ANKS1A: variants seen among roughly 807,000 people sequenced by gnomAD.
The protein encoded by ANKS1A is ankyrin repeat and SAM domain-containing protein 1A.
Under a neutral mutation model 120.3 loss-of-function variants are expected in ANKS1A, and 55 were observed. That is an observed-to-expected ratio of 0.46 (90% CI 0.37 to 0.57). ANKS1A has a LOEUF of 0.57. ANKS1A is among the 20% of genes least tolerant of loss of function. ANKS1A has a pLI of 0.00. For synonymous variants in ANKS1A, 590 were observed against 604.7 expected (o/e 0.98, Z 0.36); for missense variants, 1,123 against 1,480.3 (o/e 0.76, Z 3.96).
At chr6:34,971,611 G>A (rs996193093) in intron 3 of ANKS1A, among the ~76,000 whole-genome samples, 1 of 152,080 alleles carries the variant, frequency 6.6e-6, no homozygotes, top group African/African-American at 2.4e-5. Flanking sequence ...TTGCCGAGAG[G>A]GGATTGTTAA....
At position 34,889,406 on chromosome 6, in the gene ANKS1A, G is replaced by A; in HGVS notation, c.4G>A (p.Gly2Arg). 1.6e-6 allele frequency: 2 copies of A among 1,272,438 alleles called. No homozygotes were observed. The highest frequency in any genetic ancestry group is 2.0e-6 in the Non-Finnish European group (2 of 1,012,584). The allele number at this position is 1,272,438 out of a possible 1,614,324, so 78.8% of individuals were successfully genotyped here. A position where few individuals can be genotyped will look rare whatever the true frequency, so the allele number is the denominator to read the frequency against. Reference protein sequence around the residue: MGKEQELLEAAR... With the variant: MRKEQELLEAAR... The stretch of plus-strand genomic sequence containing the variant: ...CCAGCGGGTGGCGGCCCTGGGGATG[G>A]GGAAGGAGCAGGAGCTGCTGGAGGC... Residue 2 changes from glycine to arginine, a missense_variant, in exon 1 of 24, where the codon GGG becomes AGG. By Grantham distance (125) the Gly-to-Arg change is moderately radical. Transcript: ENST00000360359. The surrounding 1 kb of genome is among the most constrained non-coding windows in gnomAD (Gnocchi z 5.5).
At chr6:34,897,756 T>A (rs73421513) in intron 1 of ANKS1A, among the ~76,000 whole-genome samples, 12,199 of 152,304 alleles carry the variant, frequency 0.08, 682 homozygotes, top group East Asian at 0.33. Context: ...AATTTGTAGA[T>A]CAAGTTTGTT....
intron 10 of ANKS1A, among the ~76,000 whole-genome samples, chr6:35,008,089 A>T (rs1246310924): frequency 6.6e-6 from 1 of 152,238 alleles, no homozygotes; most frequent in Non-Finnish European, 1.5e-5. Context: ...ATCTTTACCA[A>T]GAAGTCCAGG....
chr6:35,068,145 C>T (rs1180982880), intron 13 of ANKS1A, among the ~76,000 whole-genome samples: 1 of 152,184 alleles, frequency 6.6e-6, no homozygotes, highest in African/African-American at 2.4e-5. Flanking sequence ...CCACTCGCCT[C>T]AGCCTCCCAA....
intron 10 of ANKS1A, among the ~76,000 whole-genome samples, chr6:35,016,371 A>G (rs1368393247): frequency 1.3e-5 from 2 of 152,224 alleles, no homozygotes; most frequent in Admixed American, 6.5e-5. Context: ...AATAGATCCC[A>G]CTTATAGAGA....
Position 35,091,304 on chromosome 6 carries a change from G to A in ANKS1A, c.*2695G>A, listed in dbSNP as rs1778293540. 1.0e-6 allele frequency: 1 copy of A among 985,848 alleles called. No individual in the cohort carries two copies. The highest frequency in any genetic ancestry group is 1.2e-6 in the Non-Finnish European group (1 of 829,944). The allele number at this position is 985,848 out of a possible 1,614,324, so 61.1% of individuals were successfully genotyped here. ...CATAGACTGACCTCAGTACCCAAGAGAGTGTAAATATTTCTGGGCTTCCAG... is the reference window on the plus strand; with the variant it reads ...CATAGACTGACCTCAGTACCCAAGAAAGTGTAAATATTTCTGGGCTTCCAG... On this transcript the variant is annotated 3_prime_UTR_variant, in exon 24 of 24. Coordinates refer to ENST00000360359, the MANE Select transcript of ANKS1A (RefSeq NM_015245.3).
intron 11 of ANKS1A, among the ~76,000 whole-genome samples, chr6:35,037,459 G>A (rs1360287373): frequency 6.6e-6 from 1 of 152,210 alleles, no homozygotes; most frequent in Non-Finnish European, 1.5e-5. Context: ...ATCCCAGGAA[G>A]CACTGGTAGG....
intron 1 of ANKS1A, among the ~76,000 whole-genome samples, chr6:34,926,133 G>C (rs2473615): frequency 0.46 from 69,567 of 152,148 alleles, 20,796 homozygotes; most frequent in African/African-American, 0.83. Context: ...AGTTCCCTCT[G>C]TGGTATGGTT....
At chr6:35,031,127 G>A (rs545737149) in intron 11 of ANKS1A, among the ~76,000 whole-genome samples, 1 of 152,266 alleles carries the variant, frequency 6.6e-6, no homozygotes, top group South Asian at 2.1e-4. Context: ...CCATCAGGAG[G>A]CCATACAGAA....
At chr6:34,948,684 G>A (rs542027658) in intron 1 of ANKS1A, among the ~76,000 whole-genome samples, 138 of 152,164 alleles carry the variant, frequency 9.1e-4, no homozygotes, top group Middle Eastern at 3.4e-3. Flanking sequence ...AACCTCAAGC[G>A]TACCAAAAAC....
chr6:34,902,271 C>G (rs532974454), intron 1 of ANKS1A, among the ~76,000 whole-genome samples: 1 of 151,336 alleles, frequency 6.6e-6, no homozygotes, highest in Non-Finnish European at 1.5e-5. Context: ...CTTTTTGAGA[C>G]GGCGTTTCGC....
intron 3 of ANKS1A, among the ~76,000 whole-genome samples, chr6:34,977,641 C>T (rs1171170205): frequency 6.6e-6 from 1 of 152,156 alleles, no homozygotes; most frequent in Non-Finnish European, 1.5e-5. Context: ...TCTTCCTAAA[C>T]CTTCCATTTT....
Position 35,082,754 on chromosome 6 carries a change from G to T in ANKS1A, c.2773G>T (p.Val925Leu), listed in dbSNP as rs149057322. 164 of 1,614,004 alleles carry T rather than the reference G, an allele frequency of 1.0e-4. 1 individual carries two copies. The highest frequency in any genetic ancestry group is 7.7e-4 in the African/African-American group (58 of 75,048). ...PPSLAAPYAP[V>L]QSWQHQPEKL... ...GAGCCTGGCAGCCCCCTACGCCCCAGTGCAGAGTTGGCAACACCAGCCAGA... is the reference window on the plus strand; with the variant it reads ...GAGCCTGGCAGCCCCCTACGCCCCATTGCAGAGTTGGCAACACCAGCCAGA... The change falls in exon 18 of 24, where the codon GTG (valine) becomes TTG (leucine). Residue 925 changes from valine to leucine, a missense_variant. Around this residue, in one of 3 missense-constraint regions of ANKS1A, gnomAD observed 904 missense variants for 1,130.4 expected, o/e 0.80. Coordinates refer to ENST00000360359, the MANE Select transcript of ANKS1A (RefSeq NM_015245.3). The surrounding 1 kb of genome is among the most constrained non-coding windows in gnomAD (Gnocchi z 4.1).
chr6:35,033,440 A>G (rs1192180075), intron 11 of ANKS1A, among the ~76,000 whole-genome samples: 1 of 152,160 alleles, frequency 6.6e-6, no homozygotes, highest in Non-Finnish European at 1.5e-5. Flanking sequence ...GGTTAAAGAA[A>G]AATTTTTCCA....
chr6:34,993,720 G>A (rs1643947174), intron 9 of ANKS1A, among the ~76,000 whole-genome samples: 1 of 152,162 alleles, frequency 6.6e-6, no homozygotes, highest in Non-Finnish European at 1.5e-5. Context: ...AAGTCATTTT[G>A]GTTTCCTCTT....
chr6:34,979,424 A>G (rs1426798658), intron 3 of ANKS1A, among the ~76,000 whole-genome samples: 1 of 152,164 alleles, frequency 6.6e-6, no homozygotes, highest in Non-Finnish European at 1.5e-5. Context: ...GATGCTCCCT[A>G]TACTGTGTCT....
chr6:34,971,548 G>T (rs758741174), intron 3 of ANKS1A, among the ~76,000 whole-genome samples: 26 of 152,150 alleles, frequency 1.7e-4, no homozygotes, highest in Non-Finnish European at 2.1e-4. Context: ...GTTCCTAGAA[G>T]GAGGGAGATA....
intron 8 of ANKS1A, among the ~76,000 whole-genome samples, chr6:34,988,602 A>T (rs553026430): frequency 1.3e-3 from 195 of 151,794 alleles, no homozygotes; most frequent in African/African-American, 3.9e-3. Flanking sequence ...CCTCAAAAAA[A>T]TTTTTTTTTC....
chr6:35,079,731 G>C, intron 15 of ANKS1A, 63 bp downstream of exon 15: 1 of 1,612,688 alleles, frequency 6.2e-7, no homozygotes, highest in Non-Finnish European at 8.5e-7. Context: ...CTTAGGGGCA[G>C]CCTGGCCCAG....
Sources: allele counts gnomAD v4.1 joint callset (sites outside exome capture counted in the v4.1 genomes callset), GRCh38; gene constraint gnomAD v4.1.1; regional missense constraint gnomAD v4.1.1; non-coding constraint Gnocchi (gnomAD v3.1); transcripts MANE v1.5; gene names NCBI Gene and HGNC (gene_info 2026-07-23, HGNC 2026-07-21).